CFAP92: variants seen among roughly 807,000 people sequenced by gnomAD.
CFAP92 encodes the protein uncharacterized protein CFAP92.
CFAP92 carries 86 observed loss-of-function variants against 106.3 expected under a neutral mutation model. That is an observed-to-expected ratio of 0.81 (90% confidence interval 0.68 to 0.97). The LOEUF (loss-of-function observed/expected upper bound fraction) is 0.97, where lower values mean the gene tolerates loss of function less well. Ranked by LOEUF, CFAP92 falls within the 50% of genes least tolerant of loss-of-function variation. CFAP92 has a pLI of 0.00. For synonymous variants in CFAP92, 477 were observed against 506.4 expected (o/e 0.94, Z 0.78); for missense variants, 1,204 against 1,283.8 (o/e 0.94, Z 0.95).
Position 128,910,235 on chromosome 3 carries a change from T to TAGTCTCTGA in CFAP92, c.*63_*64insTCAGAGACT. ...ATGAAGTTGATTGTTGAGGAGGGTG[T>TAGTCTCTGA]GGTCGGGTGTGGGGGAGGCTGTGCA... is the stretch of plus-strand genomic sequence containing the variant. On this transcript the variant is annotated 3_prime_UTR_variant, in exon 16 of 16. Coordinates refer to ENST00000645291, the MANE Select transcript of CFAP92 (RefSeq NM_001394090.1). 6.3e-7 allele frequency: 1 copy of TAGTCTCTGA among 1,592,796 alleles called. No homozygotes were observed. The highest frequency in any genetic ancestry group is 2.2e-5 in the East Asian group (1 of 44,452).
chr3:128,926,494 A>C (rs1008073159), intron 12 of CFAP92, among the ~76,000 whole-genome samples: 1 of 152,190 alleles, frequency 6.6e-6, no homozygotes, highest in South Asian at 2.1e-4. Flanking sequence ...AGGCTTGGGG[A>C]GAAAGCCTGA....
intron 10 of CFAP92, among the ~76,000 whole-genome samples, chr3:128,941,217 G>C (rs1319563299): frequency 6.6e-6 from 1 of 151,938 alleles, no homozygotes; most frequent in Admixed American, 6.6e-5. Flanking sequence ...TAGGTAGATG[G>C]TATTCAAAAT....
upstream of CFAP92, among the ~76,000 whole-genome samples, chr3:128,996,809 T>C (rs948989456): frequency 4.6e-5 from 7 of 152,224 alleles, no homozygotes; most frequent in African/African-American, 1.7e-4. Flanking sequence ...TGTCTGGCAG[T>C]TGCTGCTGGC....
intron 10 of CFAP92, among the ~76,000 whole-genome samples, chr3:128,943,925 T>G (rs1307344902): frequency 6.8e-6 from 1 of 147,362 alleles, no homozygotes; most frequent in South Asian, 2.2e-4. Flanking sequence ...CCCCCGTTTT[T>G]TTTTTTTTTT....
At chr3:128,989,336 T>C (rs1250617098) in intron 2 of CFAP92, among the ~76,000 whole-genome samples, 1 of 112,076 alleles carries the variant, frequency 8.9e-6, no homozygotes, top group African/African-American at 3.4e-5. Flanking sequence ...ATTTGTGCAA[T>C]AATAGCAGCA....
intron 12 of CFAP92, among the ~76,000 whole-genome samples, chr3:128,916,956 A>T (rs1936863798): frequency 6.6e-6 from 1 of 152,196 alleles, no homozygotes; most frequent in African/African-American, 2.4e-5. Context: ...CCTTTAAAAA[A>T]TTTTTTAGCA....
chr3:129,009,210 G>A, the CFAP92 span, among the ~76,000 whole-genome samples: 128 of 151,982 alleles, frequency 8.4e-4, no homozygotes, highest in African/African-American at 2.3e-3. Flanking sequence ...TATCATCCAG[G>A]TCTCCTGGGT....
At chr3:128,994,407 T>C (rs1036146644), upstream of CFAP92, among the ~76,000 whole-genome samples, 1 of 152,152 alleles carries the variant, frequency 6.6e-6, no homozygotes, top group African/African-American at 2.4e-5. Context: ...TCCCATTCTT[T>C]AATAAAAGCA....
chr3:129,015,357 G>A, the CFAP92 span, among the ~76,000 whole-genome samples: 1 of 152,044 alleles, frequency 6.6e-6, no homozygotes, highest in Non-Finnish European at 1.5e-5. Context: ...CGTCTTTCAC[G>A]GCCCCTGGAC....
chr3:128,979,994 AG>A (rs1943426049), intron 4 of CFAP92, among the ~76,000 whole-genome samples: 1 of 148,852 alleles, frequency 6.7e-6, no homozygotes, highest in Admixed American at 6.7e-5. Flanking sequence ...AGAAAAAGAA[AG>A]AAAGGAGGGA....
chr3:128,933,688 C>T (rs1383218589), intron 11 of CFAP92, among the ~76,000 whole-genome samples: 1 of 152,216 alleles, frequency 6.6e-6, no homozygotes, highest in African/African-American at 2.4e-5. Flanking sequence ...GATGCAGCTA[C>T]CTTGGATGCA....
chr3:128,979,803 G>T (rs989324882), intron 4 of CFAP92, among the ~76,000 whole-genome samples: 6 of 151,910 alleles, frequency 3.9e-5, no homozygotes, highest in African/African-American at 1.4e-4. Context: ...GTTGTGGGGT[G>T]GGGGGAAGGG....
chr3:128,972,315 C>G (rs919146464), intron 7 of CFAP92, among the ~76,000 whole-genome samples: 2 of 151,826 alleles, frequency 1.3e-5, no homozygotes, highest in Admixed American at 1.3e-4. Flanking sequence ...GATCGAGGCT[C>G]ATTGCAACCT....
chr3:128,971,571 C>T, intron 7 of CFAP92, 138 bp from the exon 8 acceptor site: 1 of 713,812 alleles, frequency 1.4e-6, no homozygotes, highest in Non-Finnish European at 2.3e-6. Flanking sequence ...TGTGTGACTG[C>T]CTCTTCCCAG....
At chr3:128,957,498 C>A (rs1189701630) in intron 9 of CFAP92, among the ~76,000 whole-genome samples, 1 of 151,828 alleles carries the variant, frequency 6.6e-6, no homozygotes, top group African/African-American at 2.4e-5. Context: ...GATATAAATT[C>A]AAAAATACTA....
At chr3:128,912,886 G>GAGAC (rs777354650) in intron 15 of CFAP92, 7 of 599,144 alleles carry the variant, frequency 1.2e-5, no homozygotes, top group Non-Finnish European at 3.2e-6. Flanking sequence ...GGTCATTGAG[G>GAGAC]AGACACCATA....
chr3:128,988,614 T>C (rs923670097), intron 3 of CFAP92, 114 bp downstream of exon 3: 1 of 1,066,910 alleles, frequency 9.4e-7, no homozygotes, highest in African/African-American at 1.6e-5. Flanking sequence ...GGGCCCGGGA[T>C]CCTCCAATTC....
intron 12 of CFAP92, among the ~76,000 whole-genome samples, chr3:128,928,403 A>G (rs1454277043): frequency 6.6e-6 from 1 of 152,248 alleles, no homozygotes; most frequent in African/African-American, 2.4e-5. Context: ...GACTTACACA[A>G]TCCAACTAAC....
chr3:128,972,635 C>T (rs771006023), intron 7 of CFAP92, among the ~76,000 whole-genome samples: 10 of 151,406 alleles, frequency 6.6e-5, no homozygotes, highest in Non-Finnish European at 1.2e-4. Flanking sequence ...GCAAGTGGAT[C>T]GCCTGAGGTC....
Sources: gnomAD v4.1 joint callset for allele counts (sites outside exome capture counted in the v4.1 genomes callset) on GRCh38, gnomAD v4.1.1 for gene constraint, MANE v1.5 for transcripts, NCBI Gene and HGNC (gene_info 2026-07-23, HGNC 2026-07-21) for gene names.